Variants in CCSER1 observed in about 807,000 individuals in gnomAD.
The protein encoded by CCSER1 is serine-rich coiled-coil domain-containing protein 1.
Under a neutral mutation model 82.0 loss-of-function variants are expected in CCSER1, and 41 were observed. The observed-to-expected ratio is 0.50, with a 90% CI of 0.39 to 0.65. The LOEUF (loss-of-function observed/expected upper bound fraction) is 0.65, where lower values mean the gene tolerates loss of function less well. CCSER1 is among the 30% of genes least tolerant of loss of function. The pLI, the probability that CCSER1 is intolerant of heterozygous loss-of-function variation, is 0.00. For missense variants in CCSER1, 1,119 were observed against 1,064.2 expected, an observed-to-expected ratio of 1.05 and a Z score of -0.72; for synonymous variants, 414 against 383.9, an observed-to-expected ratio of 1.08 and a Z score of -0.92.
intron 1 of CCSER1, among the ~76,000 whole-genome samples, chr4:90,192,811 T>A (rs1735905384): frequency 6.6e-6 from 1 of 152,036 alleles, no homozygotes; most frequent in South Asian, 2.1e-4. Context: ...GGATCAGGTG[T>A]GAATATAAGG....
At chr4:90,699,925 A>G (rs1737720593) in intron 6 of CCSER1, among the ~76,000 whole-genome samples, 2 of 151,876 alleles carry the variant, frequency 1.3e-5, no homozygotes, top group South Asian at 4.2e-4. Flanking sequence ...ACCGTCTATG[A>G]GCCAGAAAAT....
chr4:91,418,161 C>T (rs1011640643), intron 10 of CCSER1, among the ~76,000 whole-genome samples: 12 of 151,800 alleles, frequency 7.9e-5, no homozygotes. Context: ...CTTAAATTCA[C>T]ACCTGAAGGA....
intron 10 of CCSER1, among the ~76,000 whole-genome samples, chr4:91,105,224 A>C (rs1725486886): frequency 6.6e-6 from 1 of 151,516 alleles, no homozygotes; most frequent in Non-Finnish European, 1.5e-5. Flanking sequence ...CCTGGGGGAT[A>C]GGGCTTTACC....
chr4:91,020,622 A>C (rs1430337707), intron 9 of CCSER1, among the ~76,000 whole-genome samples: 1 of 152,136 alleles, frequency 6.6e-6, no homozygotes, highest in Non-Finnish European at 1.5e-5. Context: ...AGATCGCGCC[A>C]CTGCACTCCA....
At chr4:90,965,337 G>C (rs1404666662) in intron 9 of CCSER1, among the ~76,000 whole-genome samples, 2 of 152,040 alleles carry the variant, frequency 1.3e-5, no homozygotes, top group Non-Finnish European at 2.9e-5. Flanking sequence ...GTGCAGGGGT[G>C]TGCCCATATT....
intron 8 of CCSER1, among the ~76,000 whole-genome samples, chr4:90,826,544 G>A (rs1201909648): frequency 1.3e-5 from 2 of 151,968 alleles, no homozygotes; most frequent in East Asian, 1.9e-4. Flanking sequence ...GAATGCTTTA[G>A]GTTTATTATT....
At chr4:91,588,241 C>T (rs975961790) in intron 10 of CCSER1, among the ~76,000 whole-genome samples, 1 of 150,848 alleles carries the variant, frequency 6.6e-6, no homozygotes, top group East Asian at 2.0e-4. Flanking sequence ...GATAAAGCAG[C>T]TTTTCAAAAA....
At chr4:90,899,089 C>T (rs1173845090) in intron 8 of CCSER1, among the ~76,000 whole-genome samples, 4 of 151,896 alleles carry the variant, frequency 2.6e-5, no homozygotes, top group South Asian at 2.1e-4. Flanking sequence ...TATCATGTTT[C>T]TCTATTTCTT....
At chr4:90,305,896 TATTCATGATAGCCAAGATATGTA>T (rs1734175191) in intron 1 of CCSER1, among the ~76,000 whole-genome samples, 1 of 152,226 alleles carries the variant, frequency 6.6e-6, no homozygotes, top group Non-Finnish European at 1.5e-5. Flanking sequence ...ATTGCATCAT[TATTCATGATAGCCAAGATATGTA>T]ACAAACCTAA....
chr4:90,269,931 G>A (rs952416027), intron 1 of CCSER1, among the ~76,000 whole-genome samples: 3 of 151,976 alleles, frequency 2.0e-5, no homozygotes, highest in Non-Finnish European at 4.4e-5. Flanking sequence ...AGAAGAAATT[G>A]AGAAATCCCT....
At chr4:90,249,950 G>A (rs1722094217) in intron 1 of CCSER1, among the ~76,000 whole-genome samples, 1 of 152,058 alleles carries the variant, frequency 6.6e-6, no homozygotes, top group Non-Finnish European at 1.5e-5. Context: ...TGGGCATAAA[G>A]TGGTGCCTCA....
intron 1 of CCSER1, among the ~76,000 whole-genome samples, chr4:90,154,095 T>C (rs1441343091): frequency 6.6e-6 from 1 of 152,234 alleles, no homozygotes; most frequent in Non-Finnish European, 1.5e-5. Context: ...TTTCTACATA[T>C]GGCTAGCCAG....
At chr4:90,148,590 A>G (rs146524452) in intron 1 of CCSER1, among the ~76,000 whole-genome samples, 4 of 152,326 alleles carry the variant, frequency 2.6e-5, no homozygotes, top group Non-Finnish European at 5.9e-5. Context: ...CCTACCTGCC[A>G]TAACAACCAG....
intron 3 of CCSER1, among the ~76,000 whole-genome samples, chr4:90,373,788 A>G (rs1007257019): frequency 1.3e-5 from 2 of 152,190 alleles, no homozygotes; most frequent in Non-Finnish European, 2.9e-5. Context: ...TTACAAGGAA[A>G]GCTATAGAAG....
At chr4:91,247,231 G>A (rs1739866050) in intron 10 of CCSER1, among the ~76,000 whole-genome samples, 1 of 151,620 alleles carries the variant, frequency 6.6e-6, no homozygotes, top group African/African-American at 2.4e-5. Flanking sequence ...GAACCCGGGA[G>A]GCGGAGCTTG....
At chr4:90,146,123 A>T (rs1725763352) in intron 1 of CCSER1, among the ~76,000 whole-genome samples, 1 of 152,084 alleles carries the variant, frequency 6.6e-6, no homozygotes, top group African/African-American at 2.4e-5. Flanking sequence ...AGTGAAAAAG[A>T]ACAAGTGAGA....
At chr4:91,217,745 G>A (rs1463547078) in intron 10 of CCSER1, among the ~76,000 whole-genome samples, 2 of 151,992 alleles carry the variant, frequency 1.3e-5, no homozygotes, top group Admixed American at 6.5e-5. Context: ...TAGACATAAA[G>A]GTTCTCCACA....
intron 5 of CCSER1, among the ~76,000 whole-genome samples, chr4:90,546,986 T>C (rs1776841250): frequency 6.6e-6 from 1 of 152,090 alleles, no homozygotes; most frequent in Admixed American, 6.6e-5. Context: ...GAATATTGCA[T>C]ACTTAAGGCT....
chr4:91,000,255 G>A (rs1016187152), intron 9 of CCSER1, among the ~76,000 whole-genome samples: 1 of 149,546 alleles, frequency 6.7e-6, no homozygotes, highest in Non-Finnish European at 1.5e-5. Context: ...GTATAGTATA[G>A]TATAGTATAG....
Sources: allele counts gnomAD v4.1 joint callset (sites outside exome capture counted in the v4.1 genomes callset), GRCh38; gene constraint gnomAD v4.1.1; transcripts MANE v1.5; gene names NCBI Gene and HGNC (gene_info 2026-07-23, HGNC 2026-07-21).